Variants in SIRT4 observed in about 807,000 individuals in gnomAD.
The protein encoded by SIRT4 is sirtuin 4.
A neutral mutation model predicts 26.1 loss-of-function variants in SIRT4; 23 were observed. The ratio of observed to expected loss-of-function variants is 0.88; its 90% CI spans 0.63 to 1.25. The LOEUF (loss-of-function observed/expected upper bound fraction) is 1.25. Ranked by LOEUF, SIRT4 falls within the 50% of genes most tolerant of loss-of-function variation. SIRT4 has a pLI of 0.00. For missense variants in SIRT4, 361 were observed against 405.4 expected (o/e 0.89, Z 0.94); for synonymous variants, 155 against 158.4 (o/e 0.98, Z 0.16).
At chr12:120,306,036 G>T (rs1156341025) in intron 2 of SIRT4, among the ~76,000 whole-genome samples, 1 of 150,552 alleles carries the variant, frequency 6.6e-6, no homozygotes, top group Non-Finnish European at 1.5e-5. Context: ...AAGAAAGAAA[G>T]AAAATTGTGT....
rs367800492 is a variant in SIRT4, at chr12:120,304,085, G to C, written c.497+27G>C. On this transcript the variant is annotated intron_variant, in intron 2 of 3. Transcript: ENST00000202967. ...TGCAGGAGCTGTACACGGTTTGAAC[G>C]CAAACCCGTGTGTTGTTTTGGGAGA... 29 of 1,595,648 alleles carry C rather than the reference G, an allele frequency of 1.8e-5. No homozygotes were observed. The African/African-American group carries it at 3.3e-4, about 18-fold the overall frequency.
the SIRT4 span, among the ~76,000 whole-genome samples, chr12:120,296,342 C>G: frequency 2.6e-5 from 4 of 151,582 alleles, no homozygotes; most frequent in South Asian, 4.2e-4. Flanking sequence ...CTCAGCCTCC[C>G]GAGTAGCTGG....
intron 2 of SIRT4, among the ~76,000 whole-genome samples, chr12:120,309,636 C>T (rs1872881015): frequency 6.6e-6 from 1 of 151,506 alleles, no homozygotes; most frequent in South Asian, 2.1e-4. Flanking sequence ...TGGTCTCAAA[C>T]TCCTGACCTC....
At chr12:120,308,039 TAG>T (rs1872809974) in intron 2 of SIRT4, among the ~76,000 whole-genome samples, 2 of 151,920 alleles carry the variant, frequency 1.3e-5, no homozygotes, top group African/African-American at 4.8e-5. Flanking sequence ...TTTTTTTAAA[TAG>T]AGACAGGATC....
the SIRT4 span, among the ~76,000 whole-genome samples, chr12:120,292,892 G>A: frequency 6.6e-5 from 10 of 152,304 alleles, no homozygotes; most frequent in South Asian, 2.1e-4. Context: ...TAAAAGTAGA[G>A]ATCACAAAAT....
upstream of SIRT4, among the ~76,000 whole-genome samples, chr12:120,298,473 T>C (rs896952618): frequency 6.0e-5 from 9 of 150,368 alleles, no homozygotes; most frequent in Non-Finnish European, 8.9e-5. Context: ...CCACCTGTAG[T>C]CCCAGCTACT....
intron 2 of SIRT4, 81 bp downstream of exon 2, chr12:120,304,139 C>G (rs1872654138): frequency 1.3e-6 from 2 of 1,498,830 alleles, no homozygotes; most frequent in African/African-American, 2.8e-5. Flanking sequence ...TTGATCACCA[C>G]AGTCTTAGAC....
At chr12:120,300,388 A>G (rs939331548), upstream of SIRT4, among the ~76,000 whole-genome samples, 5 of 152,080 alleles carry the variant, frequency 3.3e-5, no homozygotes, top group Non-Finnish European at 7.4e-5. Flanking sequence ...CCAAAAACCT[A>G]AAAACTCTTT....
At chr12:120,293,554 G>C in the SIRT4 span, among the ~76,000 whole-genome samples, 1 of 152,208 alleles carries the variant, frequency 6.6e-6, no homozygotes, top group African/African-American at 2.4e-5. Flanking sequence ...CAGTGTAACA[G>C]ACTTCTCCAA....
intron 2 of SIRT4, among the ~76,000 whole-genome samples, chr12:120,312,154 G>A (rs528336089): frequency 1.3e-5 from 2 of 152,086 alleles, no homozygotes; most frequent in African/African-American, 2.4e-5. Flanking sequence ...GAGATGGCGC[G>A]TGTTTGTAGT....
the SIRT4 span, chr12:120,292,971 GC>G: frequency 6.6e-6 from 1 of 152,040 alleles, no homozygotes; most frequent in Non-Finnish European, 1.5e-5. Context: ...TCGCGAATCA[GC>G]TGGTAAGACA....
chr12:120,309,473 G>C (rs888436113), intron 2 of SIRT4, among the ~76,000 whole-genome samples: 11 of 146,938 alleles, frequency 7.5e-5, no homozygotes, highest in Non-Finnish European at 1.6e-4. Context: ...GAGCAGTGGT[G>C]AGATCTTGGC....
At chr12:120,303,070 C>T (rs1251835865) in intron 1 of SIRT4, among the ~76,000 whole-genome samples, 2 of 151,948 alleles carry the variant, frequency 1.3e-5, no homozygotes, top group Non-Finnish European at 2.9e-5. Flanking sequence ...TCTTGTCTCT[C>T]TGATGTGTCC....
the SIRT4 span, chr12:120,293,223 C>G: frequency 2.0e-5 from 3 of 152,180 alleles, no homozygotes; most frequent in African/African-American, 7.2e-5. Flanking sequence ...TACGATACTG[C>G]CACTGCGCAA....
In SIRT4 at chr12:120,313,038, C is replaced by T. The variant is rs1349656786; in HGVS notation, c.*2C>T. On this transcript the variant is annotated 3_prime_UTR_variant, in exon 4 of 4. Coordinates refer to ENST00000202967, the MANE Select transcript of SIRT4 (RefSeq NM_012240.3). ...CTGCCTTTGATAGACCCATGCTGAC[C>T]ACAGCCTGATATTCCAGAACCTGGA... The T allele has an allele frequency of 1.9e-6, 3 of 1,614,070 alleles. No homozygotes were observed. The highest frequency in any genetic ancestry group is 2.5e-6 in the Non-Finnish European group (3 of 1,180,020).
the SIRT4 span, chr12:120,293,117 A>T: frequency 1.3e-5 from 2 of 152,168 alleles, no homozygotes; most frequent in African/African-American, 2.4e-5. Flanking sequence ...GACTGTCAAA[A>T]ATTGCCAGTG....
the SIRT4 span, among the ~76,000 whole-genome samples, chr12:120,292,097 A>C: frequency 1.3e-5 from 2 of 152,232 alleles, no homozygotes; most frequent in Non-Finnish European, 2.9e-5. Flanking sequence ...AACCATAAGA[A>C]TATTCGCTTG....
At chr12:120,292,294 C>A in the SIRT4 span, among the ~76,000 whole-genome samples, 18 of 152,116 alleles carry the variant, frequency 1.2e-4, no homozygotes, top group Middle Eastern at 3.2e-3. Context: ...TAGGACGTCA[C>A]TGTGACAAAA....
chr12:120,299,420 C>G (rs931091960), upstream of SIRT4, among the ~76,000 whole-genome samples: 2 of 151,300 alleles, frequency 1.3e-5, no homozygotes, highest in Non-Finnish European at 2.9e-5. Flanking sequence ...GGCGCAGTGG[C>G]GAGCGCCTGT....
Sources: allele counts gnomAD v4.1 joint callset (sites outside exome capture counted in the v4.1 genomes callset), GRCh38; gene constraint gnomAD v4.1.1; transcripts MANE v1.5; gene names NCBI Gene and HGNC (gene_info 2026-07-23, HGNC 2026-07-21).